RANBP17: variants seen among roughly 807,000 people sequenced by gnomAD.
The protein encoded by RANBP17 is RAN binding protein 17.
A neutral mutation model predicts 141.2 loss-of-function variants in RANBP17; 158 were observed. That is an observed-to-expected ratio of 1.12 (90% CI 0.98 to 1.28). The LOEUF (loss-of-function observed/expected upper bound fraction) is 1.28. Ranked by LOEUF, RANBP17 falls within the 50% of genes most tolerant of loss-of-function variation. The pLI, the probability that RANBP17 is intolerant of heterozygous loss-of-function variation, is 0.00. For synonymous variants in RANBP17, 430 were observed against 450.0 expected, an observed-to-expected ratio of 0.96 and a Z score of 0.56; for missense variants, 1,438 against 1,290.7, an observed-to-expected ratio of 1.11 and a Z score of -1.75.
At chr5:170,869,094 C>G (rs1048684528) in intron 1 of RANBP17, among the ~76,000 whole-genome samples, 1 of 151,952 alleles carries the variant, frequency 6.6e-6, no homozygotes, top group African/African-American at 2.4e-5. Flanking sequence ...TGGCCTTTTT[C>G]ATTTGTTAAT....
At chr5:170,936,409 C>T (rs1172308201) in intron 12 of RANBP17, among the ~76,000 whole-genome samples, 11 of 152,072 alleles carry the variant, frequency 7.2e-5, no homozygotes, top group African/African-American at 2.2e-4. Flanking sequence ...GCCATCTTGG[C>T]GCCACCAAGC....
At chr5:171,006,963 G>T (rs1234686873) in intron 14 of RANBP17, among the ~76,000 whole-genome samples, 1 of 152,104 alleles carries the variant, frequency 6.6e-6, no homozygotes, top group Non-Finnish European at 1.5e-5. Flanking sequence ...GCTATACCTG[G>T]GGAATCTGCC....
chr5:171,049,371 C>T (rs551938736), intron 14 of RANBP17, among the ~76,000 whole-genome samples: 1 of 152,206 alleles, frequency 6.6e-6, no homozygotes, highest in African/African-American at 2.4e-5. Context: ...GATATTAGAC[C>T]TTTGTTGGAT....
intron 14 of RANBP17, among the ~76,000 whole-genome samples, chr5:171,147,865 G>C (rs969556979): frequency 6.6e-6 from 1 of 152,162 alleles, no homozygotes; most frequent in African/African-American, 2.4e-5. Flanking sequence ...CCCTCTGCCC[G>C]GCCACCACCC....
At chr5:170,876,051 C>T (rs139266815) in intron 1 of RANBP17, among the ~76,000 whole-genome samples, 2 of 152,280 alleles carry the variant, frequency 1.3e-5, no homozygotes, top group South Asian at 2.1e-4. Flanking sequence ...CCTTGTTAGT[C>T]TGGGTCACTC....
At chr5:171,117,650 C>T (rs552154650) in intron 14 of RANBP17, among the ~76,000 whole-genome samples, 2 of 152,052 alleles carry the variant, frequency 1.3e-5, no homozygotes, top group Non-Finnish European at 2.9e-5. Flanking sequence ...CACGCCATGA[C>T]GTCCAGCTAA....
At chr5:171,021,564 A>G (rs1249371362) in intron 14 of RANBP17, among the ~76,000 whole-genome samples, 2 of 151,992 alleles carry the variant, frequency 1.3e-5, no homozygotes, top group African/African-American at 4.8e-5. Context: ...TGATCCATTC[A>G]GCTATTGATT....
At chr5:171,037,707 T>C (rs867997076) in intron 14 of RANBP17, among the ~76,000 whole-genome samples, 1 of 152,194 alleles carries the variant, frequency 6.6e-6, no homozygotes, top group Non-Finnish European at 1.5e-5. Flanking sequence ...TTTGTTGACC[T>C]TGTTGAAGAT....
chr5:171,059,004 G>C (rs961697022), intron 14 of RANBP17, among the ~76,000 whole-genome samples: 1 of 151,682 alleles, frequency 6.6e-6, no homozygotes, highest in Non-Finnish European at 1.5e-5. Context: ...CTTTTTGATG[G>C]AGTTGTTTTT....
intron 12 of RANBP17, among the ~76,000 whole-genome samples, chr5:170,939,371 ATTTAT>A (rs1774143931): frequency 7.3e-6 from 1 of 136,682 alleles, no homozygotes; most frequent in Non-Finnish European, 1.6e-5. Flanking sequence ...TTATTTATTT[ATTTAT>A]TTATTTATTT....
intron 13 of RANBP17, among the ~76,000 whole-genome samples, chr5:170,962,292 C>T (rs1021289277): frequency 4.6e-5 from 7 of 152,224 alleles, no homozygotes; most frequent in African/African-American, 1.7e-4. Flanking sequence ...TTCCTACTCT[C>T]TTGCTGGTGG....
intron 18 of RANBP17, among the ~76,000 whole-genome samples, chr5:171,188,723 C>T (rs990489031): frequency 6.6e-6 from 1 of 152,148 alleles, no homozygotes; most frequent in African/African-American, 2.4e-5. Flanking sequence ...ATATGGTCAT[C>T]ACAGATAGGG....
intron 14 of RANBP17, among the ~76,000 whole-genome samples, chr5:170,993,403 T>C (rs1778630924): frequency 6.6e-6 from 1 of 152,062 alleles, no homozygotes; most frequent in Admixed American, 6.6e-5. Context: ...ACTGTAACTT[T>C]CTAAAATACA....
chr5:171,280,790 G>A (rs1051532531), intron 25 of RANBP17, among the ~76,000 whole-genome samples: 2 of 152,178 alleles, frequency 1.3e-5, no homozygotes, highest in African/African-American at 2.4e-5. Flanking sequence ...CCCTTGGCAC[G>A]CTTAGAAGAA....
At chr5:171,068,125 C>T (rs994229106) in intron 14 of RANBP17, among the ~76,000 whole-genome samples, 2 of 152,048 alleles carry the variant, frequency 1.3e-5, no homozygotes, top group Non-Finnish European at 2.9e-5. Context: ...TTTCCAAGTT[C>T]ACTGATTCTT....
At chr5:171,055,495 G>T (rs1449089280) in intron 14 of RANBP17, among the ~76,000 whole-genome samples, 2 of 152,104 alleles carry the variant, frequency 1.3e-5, no homozygotes, top group Admixed American at 1.3e-4. Flanking sequence ...ATAAAGTTCA[G>T]CAAGAATAAT....
intron 25 of RANBP17, 48 bp from the exon 26 acceptor site, chr5:171,293,835 G>A (rs1181988697): frequency 1.5e-6 from 2 of 1,373,624 alleles, no homozygotes; most frequent in Admixed American, 1.7e-5. Context: ...GGATTAGGGG[G>A]AACTCTGAGA....
intron 14 of RANBP17, among the ~76,000 whole-genome samples, chr5:171,168,247 A>G (rs892482713): frequency 2.0e-5 from 3 of 152,194 alleles, no homozygotes; most frequent in Non-Finnish European, 2.9e-5. Context: ...GTGCCTAGGA[A>G]GCCTTCAGAG....
intron 14 of RANBP17, among the ~76,000 whole-genome samples, chr5:171,053,878 C>CATATAT (rs58623197): frequency 8.1e-4 from 14 of 17,222 alleles, no homozygotes; most frequent in East Asian, 7.5e-3. Context: ...GTGTTTAGTT[C>CATATAT]ATATATATAT....
Sources: allele counts gnomAD v4.1 joint callset (sites outside exome capture counted in the v4.1 genomes callset), GRCh38; gene constraint gnomAD v4.1.1; transcripts MANE v1.5; gene names NCBI Gene and HGNC (gene_info 2026-07-23, HGNC 2026-07-21).